The following C12orf75 variants were observed in gnomAD, a reference collection of about 807,000 sequenced individuals.
The protein encoded by C12orf75 is overexpressed in colon carcinoma 1 protein.
Under a neutral mutation model 11.4 loss-of-function variants are expected in C12orf75, and 4 were observed. That is an observed-to-expected ratio of 0.35 (90% CI 0.17 to 0.80). The LOEUF is 0.80. Ranked by LOEUF, C12orf75 falls within the 30% of genes least tolerant of loss-of-function variation. The pLI is 0.52. For synonymous variants in C12orf75, 30 were observed against 30.0 expected (o/e 1.00, Z 0.00); for missense variants, 89 against 80.4 (o/e 1.11, Z -0.41).
chr12:105,340,592 T>A (rs1368090395), intron 1 of C12orf75, among the ~76,000 whole-genome samples: 1 of 152,100 alleles, frequency 6.6e-6, no homozygotes, highest in Non-Finnish European at 1.5e-5. Context: ...AAGAGAGTAT[T>A]TTTTGGAGAC....
At chr12:105,360,237 T>A (rs977896047) in intron 2 of C12orf75, among the ~76,000 whole-genome samples, 1 of 152,206 alleles carries the variant, frequency 6.6e-6, no homozygotes, top group African/African-American at 2.4e-5. Flanking sequence ...TTTCTCTGGT[T>A]TGGGGGACAA....
intron 2 of C12orf75, among the ~76,000 whole-genome samples, chr12:105,358,053 G>A (rs1892810591): frequency 6.6e-6 from 1 of 152,012 alleles, no homozygotes; most frequent in Non-Finnish European, 1.5e-5. Context: ...TCCCTTTGTT[G>A]CCCCAGCTGA....
At chr12:105,334,598 G>C (rs919486895) in intron 1 of C12orf75, among the ~76,000 whole-genome samples, 3 of 152,172 alleles carry the variant, frequency 2.0e-5, no homozygotes, top group Admixed American at 6.5e-5. Flanking sequence ...TTTCTGCATG[G>C]TCTGGAGTCT....
intron 4 of C12orf75, 53 bp downstream of exon 4, chr12:105,366,749 T>C: frequency 9.6e-7 from 1 of 1,044,490 alleles, no homozygotes; most frequent in Non-Finnish European, 1.4e-6. Flanking sequence ...TTTTATGTTT[T>C]ATGAAAAAGC....
chr12:105,356,205 G>A (rs1892778700), intron 2 of C12orf75, among the ~76,000 whole-genome samples: 1 of 152,182 alleles, frequency 6.6e-6, no homozygotes, highest in South Asian at 2.1e-4. Context: ...ATGAAAACAT[G>A]TTATAAAGAA....
At chr12:105,345,016 A>G (rs1207740210) in intron 1 of C12orf75, among the ~76,000 whole-genome samples, 1 of 144,728 alleles carries the variant, frequency 6.9e-6, no homozygotes, top group Non-Finnish European at 1.5e-5. Context: ...GGTAATTCCT[A>G]AGTTAACCTG....
rs367555523 is a variant in C12orf75 at position 105,366,614 on chromosome 12, A to G, written c.108-3A>G. The G allele has an allele frequency of 5.9e-5, 88 of 1,495,912 alleles. 1 individual carries two copies. In the East Asian group the frequency reaches 8.6e-4, roughly 15 times the overall value. The allele number at this position is 1,495,912 out of a possible 1,614,324, so 92.7% of individuals were successfully genotyped here. Reference sequence around the variant, plus strand: ...TAAATTGGTTTGATTTCTTTTTATCAAGAAACTATGGAGGAGTATATGTTG... The same window carrying G: ...TAAATTGGTTTGATTTCTTTTTATCGAGAAACTATGGAGGAGTATATGTTG... On this transcript the variant is annotated splice_region_variant and splice_polypyrimidine_tract_variant and intron_variant, in intron 3 of 5. Coordinates refer to ENST00000443585, the MANE Select transcript of C12orf75 (RefSeq NM_001145199.2).
At chr12:105,335,015 C>T (rs1370349598) in intron 1 of C12orf75, among the ~76,000 whole-genome samples, 1 of 152,168 alleles carries the variant, frequency 6.6e-6, no homozygotes, top group Non-Finnish European at 1.5e-5. Context: ...CAGAAATATT[C>T]AGCTCATGAT....
intron 2 of C12orf75, among the ~76,000 whole-genome samples, chr12:105,357,341 G>C (rs1223828472): frequency 6.6e-6 from 1 of 152,196 alleles, no homozygotes; most frequent in Non-Finnish European, 1.5e-5. Context: ...AGTTGCAGTG[G>C]TTGCCTTTGG....
chr12:105,332,607 T>G (rs1234240667), intron 1 of C12orf75, among the ~76,000 whole-genome samples: 1 of 151,966 alleles, frequency 6.6e-6, no homozygotes, highest in East Asian at 1.9e-4. Flanking sequence ...GGCGCCTGCT[T>G]GTAATCCCAG....
At chr12:105,335,287 T>A (rs978864877) in intron 1 of C12orf75, among the ~76,000 whole-genome samples, 11 of 152,260 alleles carry the variant, frequency 7.2e-5, no homozygotes. Context: ...AATTGCATTC[T>A]TTTGAGGTAG....
chr12:105,359,853 T>C (rs1264436319), intron 2 of C12orf75, among the ~76,000 whole-genome samples: 1 of 152,080 alleles, frequency 6.6e-6, no homozygotes, highest in East Asian at 1.9e-4. Context: ...GCTCCTTTTC[T>C]ACGGGAGCAA....
chr12:105,352,869 G>A (rs138775328), intron 2 of C12orf75, among the ~76,000 whole-genome samples: 1 of 152,306 alleles, frequency 6.6e-6, no homozygotes, highest in African/African-American at 2.4e-5. Context: ...AAGCCTACAT[G>A]TGTATCAGAA....
At chr12:105,339,841 C>T (rs899674841) in intron 1 of C12orf75, among the ~76,000 whole-genome samples, 3 of 151,744 alleles carry the variant, frequency 2.0e-5, no homozygotes, top group African/African-American at 4.8e-5. Context: ...AGGATGGTCT[C>T]GATCTCCTGA....
chr12:105,344,465 G>A (rs760618063), intron 1 of C12orf75, among the ~76,000 whole-genome samples: 23 of 152,134 alleles, frequency 1.5e-4, no homozygotes, highest in East Asian at 3.8e-4. Context: ...GGACTCGGCC[G>A]GGTGTAGTGG....
chr12:105,355,960 A>G (rs1892776384), intron 2 of C12orf75, among the ~76,000 whole-genome samples: 2 of 152,192 alleles, frequency 1.3e-5, no homozygotes, highest in Non-Finnish European at 2.9e-5. Flanking sequence ...TTTGAAGTGA[A>G]TGTTACTCAT....
intron 2 of C12orf75, among the ~76,000 whole-genome samples, chr12:105,351,923 A>AG (rs1475511212): frequency 6.6e-6 from 1 of 152,070 alleles, no homozygotes; most frequent in Non-Finnish European, 1.5e-5. Flanking sequence ...TTTGAGTTTT[A>AG]GGGCAGTAAC....
At chr12:105,340,868 G>A (rs1460300983) in intron 1 of C12orf75, among the ~76,000 whole-genome samples, 2 of 152,238 alleles carry the variant, frequency 1.3e-5, no homozygotes, top group Admixed American at 6.5e-5. Flanking sequence ...TGGAGGTGGA[G>A]CAGAGATGAT....
intron 2 of C12orf75, among the ~76,000 whole-genome samples, chr12:105,356,354 A>G (rs1892780163): frequency 6.6e-6 from 1 of 151,706 alleles, no homozygotes; most frequent in Non-Finnish European, 1.5e-5. Context: ...CAGGGTTTCC[A>G]TATTCAATTT....
Sources: allele counts gnomAD v4.1 joint callset (sites outside exome capture counted in the v4.1 genomes callset), GRCh38; gene constraint gnomAD v4.1.1; transcripts MANE v1.5; gene names NCBI Gene and HGNC (gene_info 2026-07-23, HGNC 2026-07-21).